The following NOS2 variants were observed in gnomAD, a reference collection of about 807,000 sequenced individuals.
The protein encoded by NOS2 is nitric oxide synthase, inducible.
NOS2 carries 96 observed loss-of-function variants against 136.0 expected under a neutral mutation model. The ratio of observed to expected loss-of-function variants is 0.71; its 90% CI spans 0.60 to 0.84. The LOEUF is 0.84. Ranked by LOEUF, NOS2 falls within the 40% of genes least tolerant of loss-of-function variation. The probability of loss-of-function intolerance (pLI) is 0.00; values close to 1 mark genes in which losing one functional copy is unlikely to be tolerated. For missense variants in NOS2, 1,237 were observed against 1,496.9 expected, an observed-to-expected ratio of 0.83 and a Z score of 2.87; for synonymous variants, 539 against 587.5, an observed-to-expected ratio of 0.92 and a Z score of 1.20.
At chr17:27,795,990 G>A (rs1396512200) in intron 2 of NOS2, among the ~76,000 whole-genome samples, 2 of 152,158 alleles carry the variant, frequency 1.3e-5, no homozygotes, top group African/African-American at 4.8e-5. Context: ...AGAGGGTGTG[G>A]GGATGAGGGT....
chr17:27,788,942 A>T lies in NOS2; in HGVS notation c.196-11T>A. The T allele has an allele frequency of 6.2e-7, 1 of 1,612,866 alleles. No individual in the cohort carries two copies. The highest frequency in any genetic ancestry group is 8.5e-7 in the Non-Finnish European group (1 of 1,179,178). ...AGATTCTGGAGACTTCTGCAAGGGG[A>T]AAAAACAGGGTTTTCTCTCAGGTCT... On this transcript the variant is annotated splice_polypyrimidine_tract_variant and intron_variant, in intron 3 of 26. Coordinates refer to ENST00000313735, the MANE Select transcript of NOS2 (RefSeq NM_000625.4).
Position 27,774,555 on chromosome 17 carries a change from AT to A in NOS2, c.1282-105del. 5.1e-6 allele frequency: 4 copies of A among 791,942 alleles called. No individual in the cohort carries two copies. The South Asian group carries it at 7.8e-5, about 15-fold the overall frequency. 49.1% of individuals were successfully genotyped at this position (791,942 alleles called of 1,614,324 possible). A position where few individuals can be genotyped will look rare whatever the true frequency, so the allele number is the denominator to read the frequency against. On this transcript the variant is annotated intron_variant, in intron 11 of 26. Coordinates refer to ENST00000313735, the MANE Select transcript of NOS2 (RefSeq NM_000625.4). ...AGAGAGTGCCTGGGAAGGCCTGGCA[AT>A]CTGTAACACGGGAGAGCAACTCCTG...
chr17:27,762,601 A>G (rs1165925172), intron 22 of NOS2, among the ~76,000 whole-genome samples, 197 bp downstream of exon 22: 1 of 152,196 alleles, frequency 6.6e-6, no homozygotes, highest in Non-Finnish European at 1.5e-5. Flanking sequence ...GTAACTGATC[A>G]TATACATACA....
At chr17:27,798,045 G>C (rs1254135489) in intron 2 of NOS2, among the ~76,000 whole-genome samples, 1 of 152,116 alleles carries the variant, frequency 6.6e-6, no homozygotes, top group Non-Finnish European at 1.5e-5. Context: ...GTACTCAGTA[G>C]ATGGTGATGA....
At chr17:27,774,537 G>A in intron 11 of NOS2, 86 bp from the exon 12 acceptor site, 1 of 953,056 alleles carries the variant, frequency 1.0e-6, no homozygotes, top group South Asian at 2.3e-5. Context: ...CCCAGAGAGT[G>A]CCTGGGAAGG....
rs1908238850 is a variant in NOS2, at chr17:27,764,653, C to G, written c.2429-509G>C. Among the ~76,000 whole-genome samples, 4 of 152,216 alleles carry G rather than the reference C, an allele frequency of 2.6e-5. No homozygotes were observed. In the South Asian group the frequency reaches 8.3e-4, roughly 32 times the overall value. ...GAAGACACGGGTTCAAACCCTGGCT[C>G]CCCACTTCTGAGGTGACTGAAGCCT... On this transcript the variant is annotated intron_variant, in intron 20 of 26. Coordinates refer to ENST00000313735, the MANE Select transcript of NOS2 (RefSeq NM_000625.4).
chr17:27,797,739 G>A (rs976240221), intron 2 of NOS2, among the ~76,000 whole-genome samples: 1 of 152,208 alleles, frequency 6.6e-6, no homozygotes. Context: ...ACCTGAGCGA[G>A]CCTCAAGCCT....
intron 11 of NOS2, among the ~76,000 whole-genome samples, chr17:27,775,364 G>A (rs1020804921): frequency 6.6e-6 from 1 of 152,128 alleles, no homozygotes; most frequent in African/African-American, 2.4e-5. Flanking sequence ...TTGGGAGGGC[G>A]AGACGGGGAG....
chr17:27,761,027 C>T (rs1908107413), intron 23 of NOS2, 117 bp downstream of exon 23: 5 of 1,009,080 alleles, frequency 5.0e-6, no homozygotes, highest in East Asian at 2.7e-5. Context: ...GACCCCAGTG[C>T]CTTCTTTATG....
chr17:27,797,299 CA>C (rs2142532215), intron 2 of NOS2, among the ~76,000 whole-genome samples: 1 of 152,378 alleles, frequency 6.6e-6, no homozygotes, highest in South Asian at 2.1e-4. Flanking sequence ...CTAATGATAG[CA>C]ATGCCAACAG....
At chr17:27,793,600 G>T in intron 2 of NOS2, 1 of 397,566 alleles carries the variant, frequency 2.5e-6, no homozygotes. Context: ...GGCTCTGCGC[G>T]GGCAGCAGTC....
At chr17:27,779,365 G>A (rs573922314) in intron 9 of NOS2, among the ~76,000 whole-genome samples, 3 of 147,968 alleles carry the variant, frequency 2.0e-5, no homozygotes, top group Admixed American at 6.8e-5. Context: ...GGCTGGTCTC[G>A]AACTACTGGC....
At chr17:27,769,645 C>G in intron 15 of NOS2, 61 bp from the exon 16 acceptor site, 1 of 1,451,416 alleles carries the variant, frequency 6.9e-7, no homozygotes, top group Non-Finnish European at 9.7e-7. Context: ...CTGTTTTTTC[C>G]TTTCTTCTGG....
Position 27,765,728 on chromosome 17 carries a change from A to C in NOS2, c.2247-12T>G. The C allele has an allele frequency of 1.3e-6, 2 of 1,591,550 alleles. No homozygotes were observed. The highest frequency in any genetic ancestry group is 1.7e-6 in the Non-Finnish European group (2 of 1,169,092). On this transcript the variant is annotated splice_polypyrimidine_tract_variant and intron_variant, in intron 19 of 26. Transcript: ENST00000313735. ...GGATGGTGGCACGGCTGGGGAAGGAAAATGAAGCCTCAGGTGACATTGCAG... is the reference window on the plus strand; with the variant it reads ...GGATGGTGGCACGGCTGGGGAAGGACAATGAAGCCTCAGGTGACATTGCAG...
At chr17:27,776,452 C>T (rs1038598655) in intron 11 of NOS2, among the ~76,000 whole-genome samples, 5 of 151,974 alleles carry the variant, frequency 3.3e-5, no homozygotes, top group African/African-American at 1.2e-4. Context: ...ACAGGTGGAT[C>T]ACTTGAGGCC....
intron 2 of NOS2, among the ~76,000 whole-genome samples, chr17:27,792,998 G>C (rs1375994440): frequency 2.6e-5 from 4 of 151,858 alleles, no homozygotes; most frequent in Non-Finnish European, 5.9e-5. Context: ...AAGGGGTCGG[G>C]GGCGTGGGGA....
intron 2 of NOS2, among the ~76,000 whole-genome samples, chr17:27,794,554 G>C (rs1282000148): frequency 6.6e-6 from 1 of 152,206 alleles, no homozygotes; most frequent in African/African-American, 2.4e-5. Flanking sequence ...CCGAACCCCA[G>C]TTAAAGCAGA....
chr17:27,769,721 C>A, intron 15 of NOS2, 137 bp from the exon 16 acceptor site: 2 of 725,370 alleles, frequency 2.8e-6, no homozygotes, highest in Non-Finnish European at 2.4e-6. Flanking sequence ...ACATATGGGG[C>A]TACCTGGCCA....
At chr17:27,783,451 G>T (rs530202255) in intron 5 of NOS2, among the ~76,000 whole-genome samples, 1 of 152,172 alleles carries the variant, frequency 6.6e-6, no homozygotes, top group Non-Finnish European at 1.5e-5. Context: ...ATTCATCTCA[G>T]TAAGGGGTGC....
Sources: gnomAD v4.1 joint callset for allele counts (sites outside exome capture counted in the v4.1 genomes callset) on GRCh38, gnomAD v4.1.1 for gene constraint, MANE v1.5 for transcripts, NCBI Gene and HGNC (gene_info 2026-07-23, HGNC 2026-07-21) for gene names.